MYT1L: variants seen among roughly 807,000 people sequenced by gnomAD.
MYT1L encodes the protein myelin transcription factor 1 like, also known as myelin transcription factor 1-like protein.
MYT1L carries 12 observed loss-of-function variants against 126.7 expected under a neutral mutation model. That is an observed-to-expected ratio of 0.09 (90% CI 0.06 to 0.15). The LOEUF (loss-of-function observed/expected upper bound fraction) is 0.15, where lower values mean the gene tolerates loss of function less well. Ranked by LOEUF, MYT1L falls within the 10% of genes least tolerant of loss-of-function variation. The pLI is 1.00. For missense variants in MYT1L, 979 were observed against 1,585.2 expected, an observed-to-expected ratio of 0.62 and a Z score of 6.49; for synonymous variants, 541 against 604.2, an observed-to-expected ratio of 0.90 and a Z score of 1.53.
intron 14 of MYT1L, among the ~76,000 whole-genome samples, chr2:1,898,794 G>A (rs2049959107): frequency 6.6e-6 from 1 of 152,198 alleles, no homozygotes; most frequent in Admixed American, 6.5e-5. Context: ...GAGGCCATGG[G>A]GAAGTCGGGC....
At chr2:1,997,679 C>A (rs2061987434) in intron 4 of MYT1L, among the ~76,000 whole-genome samples, 2 of 152,130 alleles carry the variant, frequency 1.3e-5, no homozygotes, top group Non-Finnish European at 2.9e-5. Flanking sequence ...GACCAGAAGC[C>A]CTGCACACAG....
At chr2:2,033,620 A>C (rs2066651220) in intron 4 of MYT1L, among the ~76,000 whole-genome samples, 1 of 152,212 alleles carries the variant, frequency 6.6e-6, no homozygotes, top group South Asian at 2.1e-4. Context: ...ATTAAAAAAA[A>C]AAAATCTGGG....
At chr2:2,088,630 GA>G (rs35716505) in intron 3 of MYT1L, among the ~76,000 whole-genome samples, 3,160 of 144,882 alleles carry the variant, frequency 0.022, 93 homozygotes, top group African/African-American at 0.069. Context: ...TGATTTACTG[GA>G]AAAAAAAAAA....
At chr2:1,797,308 C>G (rs2033770877) in intron 23 of MYT1L, among the ~76,000 whole-genome samples, 1 of 152,198 alleles carries the variant, frequency 6.6e-6, no homozygotes, top group Non-Finnish European at 1.5e-5. Context: ...TCTGCAAGCT[C>G]CACCTCCTGG....
Position 2,322,593 on chromosome 2 carries a change from T to TA in MYT1L, c.-521+8373dup, listed in dbSNP as rs1207082061. 5.5e-3 allele frequency among the ~76,000 whole-genome samples: 737 copies of TA among 133,606 alleles called. 2 individuals are homozygous for TA. Among genetic ancestry groups the TA allele is most frequent in the Admixed American group, 6.6e-3 (87 of 13,252 alleles). The allele number at this position is 133,606 out of a possible 152,430, so 87.7% of individuals were successfully genotyped here. ...GACTAATATGACACAATTTTGACCC[T>TA]AAAAAAAAAAAAACAAAATAGCTGG... On this transcript the variant is annotated intron_variant, in intron 1 of 24. Transcript: ENST00000647738.
intron 2 of MYT1L, among the ~76,000 whole-genome samples, chr2:2,265,417 G>A (rs1424434157): frequency 6.6e-6 from 1 of 151,994 alleles, no homozygotes; most frequent in African/African-American, 2.4e-5. Context: ...TACATAGCCT[G>A]TGTGGCATAT....
chr2:1,948,747 G>T (rs116198781), intron 8 of MYT1L, among the ~76,000 whole-genome samples: 1,864 of 152,212 alleles, frequency 0.012, 43 homozygotes, highest in African/African-American at 0.042. Flanking sequence ...GTGCACTCTG[G>T]TCACCTCCAT....
intron 4 of MYT1L, among the ~76,000 whole-genome samples, chr2:2,037,679 C>CTTGCAA (rs2067018821): frequency 6.6e-6 from 1 of 151,540 alleles, no homozygotes. Flanking sequence ...TCACTTGAGC[C>CTTGCAA]CGGGAGGTGG....
chr2:1,823,228 A>G (rs1376868421), intron 21 of MYT1L, among the ~76,000 whole-genome samples: 2 of 152,174 alleles, frequency 1.3e-5, no homozygotes, highest in Non-Finnish European at 2.9e-5. Context: ...AGGGGCACCC[A>G]GCTGGTGGTG....
intron 9 of MYT1L, among the ~76,000 whole-genome samples, chr2:1,940,565 T>A (rs1425769332): frequency 1.3e-5 from 2 of 149,874 alleles, no homozygotes; most frequent in Admixed American, 6.6e-5. Flanking sequence ...CCTGCCAGGA[T>A]GCTCAGTAAA....
chr2:1,979,212 G>T lies in MYT1L; in HGVS notation c.105C>A (p.Gly35=), dbSNP rs1326756496. ...CACTGACATGACCACTGCCGTCACA[G>T]CCAGGGGTGGGACAGCTGCAACAGG... is the stretch of plus-strand genomic sequence containing the variant. ...IQELFSCPTP[G]CDGSGHVSGK... Residue 35 remains glycine (G), a synonymous_variant, in exon 8 of 25, where the codon GGC becomes GGA. Coordinates refer to ENST00000647738, the MANE Select transcript of MYT1L (RefSeq NM_001303052.2). This position sits in a 1 kb window ranked among gnomAD's most constrained non-coding sequence, Gnocchi z 4.0. 2 of 1,613,902 alleles carry T rather than the reference G, an allele frequency of 1.2e-6. No homozygotes were observed. The highest frequency in any genetic ancestry group is 1.7e-6 in the Non-Finnish European group (2 of 1,179,868).
chr2:2,242,897 A>C (rs2094465153), intron 2 of MYT1L, among the ~76,000 whole-genome samples: 1 of 152,238 alleles, frequency 6.6e-6, no homozygotes, highest in East Asian at 1.9e-4. Context: ...AAGACAGACC[A>C]GCTCTCTAGG....
At chr2:1,942,231 T>C (rs940407526) in intron 9 of MYT1L, among the ~76,000 whole-genome samples, 2 of 152,166 alleles carry the variant, frequency 1.3e-5, no homozygotes, top group Non-Finnish European at 2.9e-5. Flanking sequence ...AAGAAATGAC[T>C]TCTATGAAAG....
chr2:1,871,110 C>T (rs963366697), intron 18 of MYT1L, among the ~76,000 whole-genome samples: 4 of 152,316 alleles, frequency 2.6e-5, no homozygotes, highest in Middle Eastern at 3.4e-3. Flanking sequence ...GTCTGAGAGT[C>T]GGTCTAATCC....
chr2:2,255,001 T>G (rs1380467154), intron 2 of MYT1L, among the ~76,000 whole-genome samples: 1 of 152,220 alleles, frequency 6.6e-6, no homozygotes, highest in Non-Finnish European at 1.5e-5. Context: ...TTATGATATT[T>G]AACCCATCTG....
chr2:1,851,781 A>G (rs969179843), intron 18 of MYT1L, 78 bp from the exon 19 acceptor site: 5 of 1,352,152 alleles, frequency 3.7e-6, no homozygotes, highest in African/African-American at 2.9e-5. Flanking sequence ...TTTAATCCAA[A>G]AAGCAAACTA....
intron 15 of MYT1L, among the ~76,000 whole-genome samples, 181 bp downstream of exon 15, chr2:1,891,856 G>A (rs2048921912): frequency 6.6e-6 from 1 of 152,188 alleles, no homozygotes; most frequent in Non-Finnish European, 1.5e-5. Context: ...TTTGGACAAT[G>A]GTGTGTTCAG....
At chr2:2,182,083 C>T (rs1421943982) in intron 2 of MYT1L, among the ~76,000 whole-genome samples, 1 of 152,094 alleles carries the variant, frequency 6.6e-6, no homozygotes, top group African/African-American at 2.4e-5. Context: ...ACTCTGACTA[C>T]ACTGTGTCTT....
intron 4 of MYT1L, among the ~76,000 whole-genome samples, chr2:2,004,686 CGTGCATTCTTTCCTGT>C (rs1385623041): frequency 2.0e-5 from 2 of 98,922 alleles, no homozygotes; most frequent in Non-Finnish European, 2.1e-5. Flanking sequence ...TTCTTTCCTG[CGTGCATTCTTTCCTGT>C]GTGCCTTTCC....
Sources: gnomAD v4.1 joint callset for allele counts (sites outside exome capture counted in the v4.1 genomes callset) on GRCh38, gnomAD v4.1.1 for gene constraint, Gnocchi (gnomAD v3.1) non-coding constraint, MANE v1.5 for transcripts, NCBI Gene and HGNC (gene_info 2026-07-23, HGNC 2026-07-21) for gene names.